The following COPG1 variants were observed in gnomAD, a reference collection of about 807,000 sequenced individuals.
The protein encoded by COPG1 is coatomer subunit gamma-1.
In COPG1, 29 loss-of-function variants were observed where a neutral mutation model predicts 102.8. The observed-to-expected ratio is 0.28, with a 90% CI of 0.21 to 0.38. The LOEUF (loss-of-function observed/expected upper bound fraction) is 0.38. COPG1 is among the 10% of genes least tolerant of loss of function. COPG1 has a pLI of 1.00. For synonymous variants in COPG1, 406 were observed against 421.6 expected (o/e 0.96, Z 0.45); for missense variants, 875 against 1,132.7 (o/e 0.77, Z 3.27).
intron 10 of COPG1, among the ~76,000 whole-genome samples, chr3:129,259,845 A>C (rs535025792): frequency 4.8e-4 from 73 of 152,328 alleles, no homozygotes; most frequent in African/African-American, 1.6e-3. Flanking sequence ...CCAAGGGGGA[A>C]GTTCTGTTGG....
intron 12 of COPG1, among the ~76,000 whole-genome samples, chr3:129,261,212 G>A (rs1480100079): frequency 6.6e-6 from 1 of 152,220 alleles, no homozygotes; most frequent in Non-Finnish European, 1.5e-5. Flanking sequence ...GAAAGGAGTA[G>A]ACGAGATCAT....
In COPG1 at chr3:129,249,628, C is replaced by A. The variant is rs920482757; in HGVS notation, c.-82C>A. The A allele has an allele frequency of 6.7e-7, 1 of 1,492,756 alleles. No individual in the cohort carries two copies. The highest frequency in any genetic ancestry group is 9.1e-7 in the Non-Finnish European group (1 of 1,096,602). 92.5% of individuals were successfully genotyped at this position (1,492,756 alleles called of 1,614,324 possible). ...GCCAGTCGGGGCCCGGAAGTGGTCC[C>A]TGTAGAACCACTGTGGCACCGCTAC... On this transcript the variant is annotated 5_prime_UTR_variant, in exon 1 of 24. The change creates a new upstream start codon in the 5' untranslated region. Coordinates refer to ENST00000314797, the MANE Select transcript of COPG1 (RefSeq NM_016128.4).
intron 5 of COPG1, chr3:129,254,452 CTT>C (rs1466214905): frequency 1.9e-6 from 1 of 522,266 alleles, no homozygotes; most frequent in East Asian, 3.2e-5. Context: ...GCTATGGAAA[CTT>C]TTTAGCAAAA....
chr3:129,255,185 T>G, intron 7 of COPG1, 108 bp downstream of exon 7: 1 of 733,736 alleles, frequency 1.4e-6, no homozygotes, highest in South Asian at 1.9e-5. Context: ...CTTTCTTTTT[T>G]TTTTTTTGAT....
At chr3:129,252,094 G>C (rs758911093) in intron 2 of COPG1, among the ~76,000 whole-genome samples, 187 bp from the exon 3 acceptor site, 2 of 152,168 alleles carry the variant, frequency 1.3e-5, no homozygotes, top group South Asian at 2.1e-4. Context: ...ATTTACACGA[G>C]AGTCTAAGAA....
intron 23 of COPG1, among the ~76,000 whole-genome samples, chr3:129,276,735 T>A (rs921436955): frequency 1.1e-4 from 17 of 152,272 alleles, no homozygotes; most frequent in Admixed American, 1.1e-3. Context: ...ATCAGTTCAT[T>A]TGAACTTAGC....
chr3:129,274,692 G>C (rs1484690411), intron 21 of COPG1, 146 bp from the exon 22 acceptor site: 1 of 880,466 alleles, frequency 1.1e-6, no homozygotes, highest in Non-Finnish European at 1.7e-6. Flanking sequence ...TGGTCAAGTT[G>C]CTCTATGTCC....
chr3:129,260,328 C>T lies in COPG1; in HGVS notation c.872-5C>T. The T allele has an allele frequency of 2.5e-6, 4 of 1,614,020 alleles. No homozygotes were observed. The highest frequency in any genetic ancestry group is 3.4e-6 in the Non-Finnish European group (4 of 1,179,940). ...ACCTGACATGTGGCATCCATCTCCC[C>T]ACAGTGCTCCAGCTTTTCTGCAGCT... On this transcript the variant is annotated splice_polypyrimidine_tract_variant and splice_region_variant and intron_variant, in intron 10 of 23. Coordinates refer to ENST00000314797, the MANE Select transcript of COPG1 (RefSeq NM_016128.4).
At chr3:129,262,401 C>T (rs146555509) in intron 12 of COPG1, among the ~76,000 whole-genome samples, 1,640 of 151,970 alleles carry the variant, frequency 0.011, 35 homozygotes, top group African/African-American at 0.037. Flanking sequence ...TAGAGGCACC[C>T]GCCACCATGC....
At chr3:129,254,376 G>A (rs972834997) in intron 5 of COPG1, 5 of 352,036 alleles carry the variant, frequency 1.4e-5, no homozygotes, top group Non-Finnish European at 2.6e-5. Context: ...GCAAAGGCTG[G>A]AGAGGAGTGA....
At position 129,271,426 on chromosome 3, in the gene COPG1, C is replaced by T. The variant is rs192831163; in HGVS notation, c.1844-341C>T. Among the ~76,000 whole-genome samples the T allele has an allele frequency of 1.3e-3, 199 of 152,190 alleles. 1 individual carries two copies. Among genetic ancestry groups the T allele is most frequent in the African/African-American group, 4.4e-3 (183 of 41,494 alleles). ...CACCTTCTTTTAAGAATCCTTGCTG[C>T]GGTAGGGGGCGGAAATCCTTGCTAA... is the stretch of plus-strand genomic sequence containing the variant. On this transcript the variant is annotated intron_variant, in intron 18 of 23. Transcript: ENST00000314797. This position sits in a 1 kb window ranked among gnomAD's most constrained non-coding sequence, Gnocchi z 4.7.
chr3:129,252,186 C>A, intron 2 of COPG1, 95 bp from the exon 3 acceptor site: 1 of 865,820 alleles, frequency 1.2e-6, no homozygotes, highest in South Asian at 1.4e-5. Context: ...CCTGTTTAGA[C>A]AAGTCAGTTT....
intron 12 of COPG1, among the ~76,000 whole-genome samples, chr3:129,263,225 A>G (rs1488978172): frequency 6.6e-6 from 1 of 151,944 alleles, no homozygotes. Context: ...AGATGATGCC[A>G]TTTTCTACTT....
intron 10 of COPG1, among the ~76,000 whole-genome samples, chr3:129,258,433 A>G (rs1939859473): frequency 6.6e-6 from 1 of 152,192 alleles, no homozygotes. Flanking sequence ...AGAAGGCAAC[A>G]TGTTTGTTGT....
chr3:129,271,951 G>A lies in COPG1; in HGVS notation c.1986+42G>A, dbSNP rs1940189766. The A allele has an allele frequency of 6.2e-7, 1 of 1,605,042 alleles. No individual in the cohort carries two copies. Among genetic ancestry groups the A allele is most frequent in the Non-Finnish European group, 8.5e-7 (1 of 1,175,314 alleles). ...GAGGCCCTGCTGGGGCATGCGCCCA[G>A]GGAGTTGTCCCAGGTCTGGCAGGTC... is the stretch of plus-strand genomic sequence containing the variant. On this transcript the variant is annotated intron_variant, in intron 19 of 23. Coordinates refer to ENST00000314797, the MANE Select transcript of COPG1 (RefSeq NM_016128.4). This position sits in a 1 kb window ranked among gnomAD's most constrained non-coding sequence, Gnocchi z 4.7.
At chr3:129,276,442 T>G (rs1940270729) in intron 23 of COPG1, among the ~76,000 whole-genome samples, 1 of 152,240 alleles carries the variant, frequency 6.6e-6, no homozygotes, top group Non-Finnish European at 1.5e-5. Context: ...CCTTCCCTTT[T>G]TTAAAGGACA....
rs1422224430 is a variant in COPG1, at chr3:129,257,787, G to A, written c.798G>A (p.Val266=). The A allele has an allele frequency of 1.9e-6, 3 of 1,614,212 alleles. No homozygotes were observed. Among genetic ancestry groups the A allele is most frequent in the Non-Finnish European group, 2.5e-6 (3 of 1,180,046 alleles). The change falls in exon 10 of 24, where the codon GTG becomes GTA. Residue 266 remains valine, a synonymous_variant. Coordinates refer to ENST00000314797, the MANE Select transcript of COPG1 (RefSeq NM_016128.4). The part of the protein sequence containing the change: ...ESCLRNKHEM[V]VYEAASAIVN... Reference sequence around the variant, plus strand: ...GCTTGCGCAACAAGCACGAGATGGTGGTGTATGAAGCCGCCTCGGCCATCG... The same window carrying A: ...GCTTGCGCAACAAGCACGAGATGGTAGTGTATGAAGCCGCCTCGGCCATCG...
Position 129,264,968 on chromosome 3 carries a change from C to T in COPG1, c.1225-581C>T, listed in dbSNP as rs192216840. Among the ~76,000 whole-genome samples, 443 of 151,634 alleles carry T rather than the reference C, an allele frequency of 2.9e-3. 1 individual carries two copies. Among genetic ancestry groups the T allele is most frequent in the Non-Finnish European group, 5.1e-3 (347 of 67,924 alleles). On this transcript the variant is annotated intron_variant, in intron 13 of 23. Coordinates refer to ENST00000314797, the MANE Select transcript of COPG1 (RefSeq NM_016128.4). ...TCCCGAGTACCTAGGACTACAGGTG[C>T]CCCCCACCACGCCCGGCTAATTTTT...
chr3:129,274,897 C>T lies in COPG1; in HGVS notation c.2316C>T (p.Phe772=), dbSNP rs149792578. The T allele has an allele frequency of 1.1e-5, 18 of 1,614,116 alleles. No homozygotes were observed. Among genetic ancestry groups the T allele is most frequent in the African/African-American group, 2.7e-5 (2 of 75,036 alleles). Residue 772 remains phenylalanine (F), a synonymous_variant, in exon 22 of 24, where the codon TTC becomes TTT. Coordinates refer to ENST00000314797, the MANE Select transcript of COPG1 (RefSeq NM_016128.4). ...DHIQKVMKLN[F]EAAWDEVGDE... ...TTCAAAAGGTCATGAAACTGAACTTCGAAGCAGCCTGGGATGAGGTAGGGG... is the reference window on the plus strand; with the variant it reads ...TTCAAAAGGTCATGAAACTGAACTTTGAAGCAGCCTGGGATGAGGTAGGGG...
Sources: allele counts gnomAD v4.1 joint callset (sites outside exome capture counted in the v4.1 genomes callset), GRCh38; gene constraint gnomAD v4.1.1; non-coding constraint Gnocchi (gnomAD v3.1); transcripts MANE v1.5; gene names NCBI Gene and HGNC (gene_info 2026-07-23, HGNC 2026-07-21).